The following ELP4 variants were observed in gnomAD, a reference collection of about 807,000 sequenced individuals.
ELP4 encodes the protein elongator complex protein 4.
ELP4 carries 51 observed loss-of-function variants against 48.9 expected under a neutral mutation model. The ratio of observed to expected loss-of-function variants is 1.04; its 90% CI spans 0.83 to 1.32. The LOEUF (loss-of-function observed/expected upper bound fraction) is 1.32. Among genes scored for constraint, ELP4 ranks in the 40% most tolerant of loss-of-function variants. ELP4 has a pLI of 0.00. For synonymous variants in ELP4, 210 were observed against 189.2 expected (o/e 1.11, Z -0.90); for missense variants, 519 against 514.6 (o/e 1.01, Z -0.08).
chr11:31,699,484 A>G (rs1034471053), intron 9 of ELP4, among the ~76,000 whole-genome samples: 2 of 152,138 alleles, frequency 1.3e-5, no homozygotes, highest in South Asian at 2.1e-4. Context: ...CTTCCCTGCC[A>G]TAGAATACCA....
At chr11:31,529,631 A>T (rs975000486) in intron 2 of ELP4, among the ~76,000 whole-genome samples, 13 of 152,220 alleles carry the variant, frequency 8.5e-5, no homozygotes, top group African/African-American at 3.1e-4. Context: ...AGCCTGCTTT[A>T]TATCTGCTGG....
At chr11:31,719,235 G>A (rs932257122) in intron 9 of ELP4, among the ~76,000 whole-genome samples, 1 of 151,800 alleles carries the variant, frequency 6.6e-6, no homozygotes, top group Non-Finnish European at 1.5e-5. Context: ...ACTCCAGCCT[G>A]GGTGACAGAG....
At chr11:31,659,776 T>G (rs1037233247) in intron 9 of ELP4, among the ~76,000 whole-genome samples, 10 of 152,140 alleles carry the variant, frequency 6.6e-5, no homozygotes, top group Non-Finnish European at 1.2e-4. Context: ...TCACTTGAGG[T>G]CAGGGGTTCG....
intron 3 of ELP4, among the ~76,000 whole-genome samples, chr11:31,588,297 G>GT (rs1182131704): frequency 2.6e-5 from 4 of 152,112 alleles, no homozygotes; most frequent in African/African-American, 9.7e-5. Context: ...TGTGTATGAG[G>GT]TTTTTTATTC....
chr11:31,545,340 G>A (rs988194272), intron 3 of ELP4, among the ~76,000 whole-genome samples: 2 of 152,196 alleles, frequency 1.3e-5, no homozygotes, highest in African/African-American at 2.4e-5. Context: ...GAAGAATGCA[G>A]AAGCCTCAGT....
chr11:31,582,709 A>G (rs1957410965), intron 3 of ELP4, among the ~76,000 whole-genome samples: 1 of 152,130 alleles, frequency 6.6e-6, no homozygotes, highest in South Asian at 2.1e-4. Flanking sequence ...TGGGCATGAA[A>G]CTTATGAACT....
chr11:31,767,767 T>A (rs1263324985), intron 9 of ELP4: 4 of 152,216 alleles, frequency 2.6e-5, no homozygotes, highest in Non-Finnish European at 1.5e-5. Flanking sequence ...CTTACTTCCC[T>A]CTGTGAAGTC....
intron 7 of ELP4, chr11:31,633,266 G>A (rs182695183): frequency 8.7e-4 from 133 of 152,076 alleles, no homozygotes; most frequent in African/African-American, 3.1e-3. Flanking sequence ...AGCATATATA[G>A]CAAATATGAC....
At chr11:31,693,623 C>T (rs917560453) in intron 9 of ELP4, among the ~76,000 whole-genome samples, 5 of 152,086 alleles carry the variant, frequency 3.3e-5, no homozygotes, top group Non-Finnish European at 7.4e-5. Context: ...AGTAAACATA[C>T]GTGTGCATGT....
intron 1 of ELP4, among the ~76,000 whole-genome samples, chr11:31,515,700 A>G (rs1956098903): frequency 6.6e-6 from 1 of 151,964 alleles, no homozygotes; most frequent in South Asian, 2.1e-4. Flanking sequence ...CAAAATGGTA[A>G]AGGTAGCTCT....
At chr11:31,604,689 G>A (rs1273841144) in intron 5 of ELP4, among the ~76,000 whole-genome samples, 1 of 151,904 alleles carries the variant, frequency 6.6e-6, no homozygotes, top group African/African-American at 2.4e-5. Context: ...GCAAGGCGTT[G>A]TGAACCAAAA....
chr11:31,681,595 A>C (rs1946051657), intron 9 of ELP4, among the ~76,000 whole-genome samples: 1 of 152,178 alleles, frequency 6.6e-6, no homozygotes, highest in South Asian at 2.1e-4. Flanking sequence ...GTTTGAAGGC[A>C]AATTAGAAGA....
At chr11:31,648,801 A>G (rs970791602) in intron 8 of ELP4, 1 of 151,578 alleles carries the variant, frequency 6.6e-6, no homozygotes, top group Non-Finnish European at 1.5e-5. Flanking sequence ...TCTTTGTGCT[A>G]AAATCTCTGA....
chr11:31,589,750 T>G (rs1957537877), intron 3 of ELP4, among the ~76,000 whole-genome samples: 3 of 152,340 alleles, frequency 2.0e-5, no homozygotes, highest in South Asian at 2.1e-4. Context: ...TTTGACCTTA[T>G]CAGAAAGGCC....
At chr11:31,775,937 C>G (rs116442905) in intron 9 of ELP4, among the ~76,000 whole-genome samples, 3,307 of 151,992 alleles carry the variant, frequency 0.022, 115 homozygotes, top group African/African-American at 0.075. Flanking sequence ...TGCACTCAAG[C>G]CTGGATGACA....
At chr11:31,663,402 T>C (rs1366511826) in intron 9 of ELP4, 1 of 152,020 alleles carries the variant, frequency 6.6e-6, no homozygotes, top group Non-Finnish European at 1.5e-5. Flanking sequence ...TTAAAAGTTA[T>C]AAAATCAACT....
chr11:31,570,790 CTTTTTTTTTTTTTT>C lies in ELP4; in HGVS notation c.382-23968_382-23955del, dbSNP rs1183889559. On this transcript the variant is annotated intron_variant, in intron 3 of 9. Coordinates refer to ENST00000640961, the MANE Select transcript of ELP4 (RefSeq NM_019040.5). Reference sequence around the variant, plus strand: ...ATTGTGCCTGGCCAAACTGTAAACTCTTTTTTTTTTTTTTTTTTTTTTTTTGTGAGACAGAGTCT... The same window carrying C: ...ATTGTGCCTGGCCAAACTGTAAACTCTTTTTTTTTTTGTGAGACAGAGTCT... Among the ~76,000 whole-genome samples, 15 of 86,038 alleles carry C rather than the reference CTTTTTTTTTTTTTT, an allele frequency of 1.7e-4. 1 individual carries two copies. Among genetic ancestry groups the C allele is most frequent in the Non-Finnish European group, 2.2e-4 (11 of 50,700 alleles). The allele number at this position is 86,038 out of a possible 152,430, so 56.4% of individuals were successfully genotyped here.
intron 3 of ELP4, among the ~76,000 whole-genome samples, chr11:31,540,379 T>C (rs1408507635): frequency 6.6e-6 from 1 of 152,248 alleles, no homozygotes; most frequent in Non-Finnish European, 1.5e-5. Context: ...GCAAATTGGC[T>C]GATAAGAATT....
At chr11:31,663,999 T>C (rs1945618372) in intron 9 of ELP4, 1 of 152,114 alleles carries the variant, frequency 6.6e-6, no homozygotes, top group Non-Finnish European at 1.5e-5. Context: ...GTGTTTACGA[T>C]GTAGAATAGA....
Sources: gnomAD v4.1 joint callset for allele counts (sites outside exome capture counted in the v4.1 genomes callset) on GRCh38, gnomAD v4.1.1 for gene constraint, MANE v1.5 for transcripts, NCBI Gene and HGNC (gene_info 2026-07-23, HGNC 2026-07-21) for gene names.